XRCC4: variants seen among roughly 807,000 people sequenced by gnomAD.
XRCC4 encodes the protein X-ray repair cross complementing 4.
Under a neutral mutation model 39.1 loss-of-function variants are expected in XRCC4, and 28 were observed. The ratio of observed to expected loss-of-function variants is 0.72; its 90% CI spans 0.53 to 0.98. The LOEUF is 0.98. Among genes scored for constraint, XRCC4 ranks in the 50% least tolerant of loss-of-function variants. The probability of loss-of-function intolerance (pLI) is 0.00; values close to 1 mark genes in which losing one functional copy is unlikely to be tolerated. For missense variants in XRCC4, 350 were observed against 376.4 expected (o/e 0.93, Z 0.58); for synonymous variants, 123 against 126.4 (o/e 0.97, Z 0.18).
chr5:83,108,076 A>C (rs1163473539), intron 2 of XRCC4, among the ~76,000 whole-genome samples: 1 of 151,968 alleles, frequency 6.6e-6, no homozygotes, highest in Non-Finnish European at 1.5e-5. Context: ...AGTGAGTCTC[A>C]GTCTGACTTC....
intron 3 of XRCC4, among the ~76,000 whole-genome samples, chr5:83,127,229 C>G (rs1013954434): frequency 6.6e-6 from 1 of 152,024 alleles, no homozygotes; most frequent in Non-Finnish European, 1.5e-5. Flanking sequence ...ATATGTCTCC[C>G]AAAATTTGTG....
At chr5:83,162,670 T>C (rs1467421527) in intron 3 of XRCC4, among the ~76,000 whole-genome samples, 1 of 152,194 alleles carries the variant, frequency 6.6e-6, no homozygotes, top group African/African-American at 2.4e-5. Flanking sequence ...TCTATGTGAA[T>C]ACAGTTATTG....
chr5:83,325,814 A>G lies in XRCC4; in HGVS notation c.894-27317A>G, dbSNP rs118096335. Among the ~76,000 whole-genome samples the G allele has an allele frequency of 3.3e-3, 505 of 152,006 alleles. 14 individuals are homozygous for G. In the East Asian group the frequency reaches 0.076, roughly 23 times the overall value. ...TAATAGAATTATTCTATTTCTTTAG[A>G]TATATATACAGTAATGGGATTGCTG... On this transcript the variant is annotated intron_variant, in intron 7 of 7. Transcript: ENST00000396027.
intron 6 of XRCC4, among the ~76,000 whole-genome samples, chr5:83,236,269 G>A (rs1017657183): frequency 1.3e-5 from 2 of 151,978 alleles, no homozygotes; most frequent in Admixed American, 6.6e-5. Flanking sequence ...GGAATCCTGA[G>A]CAAAAAGAAC....
chr5:83,110,914 A>T, intron 2 of XRCC4, 114 bp from the exon 3 acceptor site: 1 of 1,004,090 alleles, frequency 1.0e-6, no homozygotes, highest in Non-Finnish European at 1.4e-6. Flanking sequence ...GATTGATTTT[A>T]CTTGTTTGAA....
intron 3 of XRCC4, among the ~76,000 whole-genome samples, chr5:83,153,408 G>A (rs181302614): frequency 5.3e-5 from 8 of 152,044 alleles, no homozygotes; most frequent in South Asian, 2.1e-4. Flanking sequence ...GTTTCACCAC[G>A]TTGGCCAGAC....
intron 7 of XRCC4, chr5:83,280,099 C>A: frequency 4.8e-6 from 1 of 206,668 alleles, no homozygotes. Flanking sequence ...CAGAGGTACA[C>A]ATTTTTCAGT....
chr5:83,205,563 A>G (rs1393698369), intron 6 of XRCC4, among the ~76,000 whole-genome samples: 1 of 152,050 alleles, frequency 6.6e-6, no homozygotes, highest in Non-Finnish European at 1.5e-5. Context: ...TTATACTTAG[A>G]TGGTTTTGAC....
chr5:83,196,196 TTAATAC>T (rs1750939094), intron 4 of XRCC4, among the ~76,000 whole-genome samples: 1 of 152,130 alleles, frequency 6.6e-6, no homozygotes, highest in Admixed American at 6.6e-5. Context: ...TCAAAACCCA[TTAATAC>T]TAATAAAAGA....
chr5:83,226,490 C>T (rs922231380), intron 6 of XRCC4, among the ~76,000 whole-genome samples: 2 of 152,058 alleles, frequency 1.3e-5, no homozygotes, highest in African/African-American at 4.8e-5. Context: ...TTTTCCATTA[C>T]ATATAGGTGT....
intron 7 of XRCC4, among the ~76,000 whole-genome samples, chr5:83,311,304 G>GCA (rs1755703344): frequency 6.6e-6 from 1 of 151,448 alleles, no homozygotes. Context: ...GATCACCAGG[G>GCA]GACTATAATC....
intron 1 of XRCC4, among the ~76,000 whole-genome samples, chr5:83,082,766 T>C (rs1745009279): frequency 6.6e-6 from 1 of 152,080 alleles, no homozygotes; most frequent in African/African-American, 2.4e-5. Context: ...TCATTAGTGT[T>C]AGTGTATTTT....
At chr5:83,083,622 C>T (rs779541526) in intron 1 of XRCC4, among the ~76,000 whole-genome samples, 89 of 152,024 alleles carry the variant, frequency 5.9e-4, no homozygotes, top group Non-Finnish European at 1.2e-3. Flanking sequence ...GTGATCCACC[C>T]GCCTCAGCCT....
intron 1 of XRCC4, among the ~76,000 whole-genome samples, chr5:83,103,491 T>A (rs1372253121): frequency 1.3e-5 from 2 of 152,150 alleles, no homozygotes; most frequent in African/African-American, 4.8e-5. Context: ...GTACAACGCT[T>A]TTAGAAAAAT....
chr5:83,182,282 C>T (rs1184394472), intron 3 of XRCC4, among the ~76,000 whole-genome samples: 1 of 152,194 alleles, frequency 6.6e-6, no homozygotes, highest in East Asian at 1.9e-4. Flanking sequence ...TTCTGCTTAA[C>T]AGGATCCAAC....
chr5:83,265,471 C>T (rs941100506), intron 7 of XRCC4, among the ~76,000 whole-genome samples: 4 of 152,166 alleles, frequency 2.6e-5, no homozygotes, highest in Admixed American at 6.5e-5. Context: ...TTGCTTGCTG[C>T]ATATTTTGAT....
At chr5:83,252,874 A>G (rs1380502380) in intron 6 of XRCC4, among the ~76,000 whole-genome samples, 2 of 152,240 alleles carry the variant, frequency 1.3e-5, no homozygotes, top group Admixed American at 6.5e-5. Context: ...TTTATCTTGT[A>G]TAAAATTACC....
intron 7 of XRCC4, among the ~76,000 whole-genome samples, chr5:83,306,865 A>G (rs2112072502): frequency 6.6e-6 from 1 of 152,322 alleles, no homozygotes; most frequent in South Asian, 2.1e-4. Flanking sequence ...CACAGAATAG[A>G]ACAGAACAGA....
At chr5:83,298,650 G>A (rs1755174155) in intron 7 of XRCC4, among the ~76,000 whole-genome samples, 1 of 151,606 alleles carries the variant, frequency 6.6e-6, no homozygotes, top group South Asian at 2.1e-4. Context: ...ACATTAAATG[G>A]ATTTTTTTTT....
Sources: gnomAD v4.1 joint callset for allele counts (sites outside exome capture counted in the v4.1 genomes callset) on GRCh38, gnomAD v4.1.1 for gene constraint, MANE v1.5 for transcripts, NCBI Gene and HGNC (gene_info 2026-07-23, HGNC 2026-07-21) for gene names.